The following GSKIP variants were observed in gnomAD, a reference collection of about 807,000 sequenced individuals.
GSKIP encodes GSK3B-interacting protein.
A neutral mutation model predicts 11.9 loss-of-function variants in GSKIP; 5 were observed. The observed-to-expected ratio is 0.42, with a 90% confidence interval of 0.22 to 0.89. The LOEUF (loss-of-function observed/expected upper bound fraction) is 0.89. GSKIP is among the 40% of genes least tolerant of loss of function. The pLI, the probability that GSKIP is intolerant of heterozygous loss-of-function variation, is 0.29. For missense variants in GSKIP, 150 were observed against 166.6 expected (o/e 0.90, Z 0.55); for synonymous variants, 70 against 62.9 (o/e 1.11, Z -0.54).
chr14:96,379,571 AT>A (rs1409474610), intron 1 of GSKIP, 116 bp from the exon 2 acceptor site: 1 of 152,214 alleles, frequency 6.6e-6, no homozygotes, highest in African/African-American at 2.4e-5. Flanking sequence ...GTAATGCTCC[AT>A]TACTTTAATT....
intron 1 of GSKIP, chr14:96,378,810 C>T (rs1889270391): frequency 6.6e-6 from 1 of 152,218 alleles, no homozygotes; most frequent in South Asian, 2.1e-4. Flanking sequence ...AGAATGCTTT[C>T]TGTTGCCCGT....
chr14:96,369,995 C>T (rs1220544185), intron 1 of GSKIP, among the ~76,000 whole-genome samples: 1 of 152,154 alleles, frequency 6.6e-6, no homozygotes, highest in Non-Finnish European at 1.5e-5. Flanking sequence ...GATGAGACTG[C>T]CCAAAGCCTT....
At chr14:96,371,688 C>A (rs1240622460) in intron 1 of GSKIP, among the ~76,000 whole-genome samples, 1 of 152,174 alleles carries the variant, frequency 6.6e-6, no homozygotes, top group African/African-American at 2.4e-5. Flanking sequence ...CTTGAGTGAT[C>A]CACCTGCCTC....
chr14:96,363,793 C>A (rs992273346), intron 1 of GSKIP: 20 of 152,406 alleles, frequency 1.3e-4, no homozygotes, highest in African/African-American at 4.6e-4. Context: ...GACCTCGGCG[C>A]CCCGGAAACG....
intron 1 of GSKIP, among the ~76,000 whole-genome samples, chr14:96,374,150 A>G (rs1358513938): frequency 6.6e-6 from 1 of 152,234 alleles, no homozygotes; most frequent in Non-Finnish European, 1.5e-5. Flanking sequence ...AGACATGGAA[A>G]ATATGTTTAA....
intron 1 of GSKIP, 115 bp downstream of exon 1, chr14:96,363,683 G>A (rs1457601046): frequency 1.3e-5 from 2 of 152,266 alleles, no homozygotes; most frequent in East Asian, 3.9e-4. Flanking sequence ...CCATGCAGCT[G>A]GCTGGGCCGA....
At chr14:96,369,047 T>G (rs771070759) in intron 1 of GSKIP, among the ~76,000 whole-genome samples, 1 of 152,160 alleles carries the variant, frequency 6.6e-6, no homozygotes, top group Non-Finnish European at 1.5e-5. Context: ...TGAGGAGAGC[T>G]CAGATGGAAA....
intron 3 of GSKIP, among the ~76,000 whole-genome samples, chr14:96,382,909 A>G (rs1889388677): frequency 1.3e-5 from 2 of 152,158 alleles, no homozygotes; most frequent in Admixed American, 1.3e-4. Context: ...ACTTGACAAC[A>G]CTGTTTTCCA....
rs755731284 is a variant in GSKIP, at chr14:96,382,494, G to C, written c.247G>C (p.Ala83Pro). 6.2e-7 allele frequency: 1 copy of C among 1,610,696 alleles called. No homozygotes were observed. Among genetic ancestry groups the C allele is most frequent in the South Asian group, 1.1e-5 (1 of 90,706 alleles). ...CAGATATTGCCTAGAACTCACTGAA[G>C]CAGGGCTCAAGGTAACTCACTTTTC... ...RNRYCLELTE[A>P]GLKVVGYAFD... The change falls in exon 3 of 4, where the codon GCA (alanine) becomes CCA (proline). Residue 83 changes from alanine to proline, a missense_variant. Coordinates refer to ENST00000555181, the MANE Select transcript of GSKIP (RefSeq NM_016472.5).
At position 96,382,228 on chromosome 14, in the gene GSKIP, C is replaced by CTT. The variant is rs34610576; in HGVS notation, c.-1-6_-1-5dup. 1,167 of 1,372,184 alleles carry CTT rather than the reference C, an allele frequency of 8.5e-4. No individual in the cohort carries two copies. Among genetic ancestry groups the CTT allele is most frequent in the African/African-American group, 1.5e-3 (100 of 65,574 alleles). The allele number at this position is 1,372,184 out of a possible 1,614,324, so 85.0% of individuals were successfully genotyped here. A position where few individuals can be genotyped will look rare whatever the true frequency, so the allele number is the denominator to read the frequency against. ...TTTCTATAAACAAATTTTATAACTGCTTTTTTTTTTTTTTACAGAATGGAA... is the reference window on the plus strand; with the variant it reads ...TTTCTATAAACAAATTTTATAACTGCTTTTTTTTTTTTTTTTACAGAATGGAA... On this transcript the variant is annotated intron_variant, in intron 2 of 3. Coordinates refer to ENST00000555181, the MANE Select transcript of GSKIP (RefSeq NM_016472.5).
At chr14:96,370,026 G>T (rs1889001315) in intron 1 of GSKIP, among the ~76,000 whole-genome samples, 1 of 152,208 alleles carries the variant, frequency 6.6e-6, no homozygotes, top group South Asian at 2.1e-4. Context: ...CCCTCATACT[G>T]CTGTGCCAGG....
chr14:96,372,548 T>G (rs184328928), intron 1 of GSKIP, among the ~76,000 whole-genome samples: 74 of 152,350 alleles, frequency 4.9e-4, no homozygotes, highest in Non-Finnish European at 1.0e-4. Flanking sequence ...AACATGGATC[T>G]CATAAAACAT....
intron 1 of GSKIP, among the ~76,000 whole-genome samples, chr14:96,375,477 C>T (rs1265470797): frequency 2.0e-5 from 3 of 150,870 alleles, no homozygotes; most frequent in South Asian, 2.1e-4. Flanking sequence ...TCTGTTGCCC[C>T]GGCTAGAGTA....
At chr14:96,371,608 C>G (rs988486884) in intron 1 of GSKIP, among the ~76,000 whole-genome samples, 28 of 152,090 alleles carry the variant, frequency 1.8e-4, no homozygotes, top group African/African-American at 6.5e-4. Context: ...CCACACCTGG[C>G]TAATTTTTTT....
intron 1 of GSKIP, among the ~76,000 whole-genome samples, chr14:96,376,748 C>A (rs751646735): frequency 1.3e-5 from 2 of 152,092 alleles, no homozygotes; most frequent in Non-Finnish European, 2.9e-5. Context: ...TGCCTGTTTT[C>A]TTTCCCAAAG....
At chr14:96,379,235 C>G (rs528324275) in intron 1 of GSKIP, among the ~76,000 whole-genome samples, 45 of 152,230 alleles carry the variant, frequency 3.0e-4, no homozygotes, top group African/African-American at 1.1e-3. Context: ...AGCCGGGAGG[C>G]AGAGGTTGCA....
intron 2 of GSKIP, 115 bp downstream of exon 2, chr14:96,379,903 AG>A (rs1889301331): frequency 6.6e-6 from 1 of 152,256 alleles, no homozygotes; most frequent in African/African-American, 2.4e-5. Flanking sequence ...CTCCAATTGA[AG>A]TACTTGATAA....
intron 3 of GSKIP, among the ~76,000 whole-genome samples, chr14:96,383,439 A>G (rs933228408): frequency 1.3e-5 from 2 of 152,164 alleles, no homozygotes; most frequent in African/African-American, 4.8e-5. Flanking sequence ...CTACTGAACA[A>G]AGGGATAGAC....
intron 1 of GSKIP, among the ~76,000 whole-genome samples, chr14:96,367,339 G>C (rs1233895920): frequency 6.6e-6 from 1 of 152,150 alleles, no homozygotes; most frequent in East Asian, 1.9e-4. Flanking sequence ...CAGTCAGTCT[G>C]CTTGAGAGCC....
Sources: gnomAD v4.1 joint callset for allele counts (sites outside exome capture counted in the v4.1 genomes callset) on GRCh38, gnomAD v4.1.1 for gene constraint, MANE v1.5 for transcripts, NCBI Gene and HGNC (gene_info 2026-07-23, HGNC 2026-07-21) for gene names.